SLC13A4: variants seen among roughly 807,000 people sequenced by gnomAD.
SLC13A4 encodes the protein Na(+)/sulfate cotransporter SUT-1.
Under a neutral mutation model 72.7 loss-of-function variants are expected in SLC13A4, and 28 were observed. The ratio of observed to expected loss-of-function variants is 0.39; its 90% CI spans 0.29 to 0.53. SLC13A4 has a LOEUF of 0.53. Ranked by LOEUF, SLC13A4 falls within the 20% of genes least tolerant of loss-of-function variation. SLC13A4 has a pLI of 0.78. For synonymous variants in SLC13A4, 312 were observed against 325.5 expected (o/e 0.96, Z 0.45); for missense variants, 653 against 788.0 (o/e 0.83, Z 2.05).
chr7:135,690,415 C>A (rs10266783), intron 13 of SLC13A4, among the ~76,000 whole-genome samples: 3 of 152,086 alleles, frequency 2.0e-5, no homozygotes, highest in Non-Finnish European at 4.4e-5. Context: ...GCATTTACAT[C>A]AGCTTTAGCC....
At chr7:135,697,053 A>T (rs1795919378) in intron 8 of SLC13A4, among the ~76,000 whole-genome samples, 2 of 152,154 alleles carry the variant, frequency 1.3e-5, no homozygotes, top group Non-Finnish European at 2.9e-5. Flanking sequence ...CCACTCCCGT[A>T]GCTTCCCTTA....
At chr7:135,719,275 A>C (rs1458380811) in intron 2 of SLC13A4, among the ~76,000 whole-genome samples, 1 of 152,206 alleles carries the variant, frequency 6.6e-6, no homozygotes, top group African/African-American at 2.4e-5. Flanking sequence ...CAACATCTCT[A>C]CTGTGCCCTT....
At chr7:135,699,584 G>C (rs1795984232) in intron 7 of SLC13A4, 36 bp from the exon 8 acceptor site, 2 of 1,552,018 alleles carry the variant, frequency 1.3e-6, no homozygotes, top group Non-Finnish European at 1.7e-6. Flanking sequence ...GTCCAACCCA[G>C]CTTGGGCTGT....
Position 135,727,587 on chromosome 7 carries a change from TC to T in SLC13A4, c.-92del. Reference sequence around the variant, plus strand: ...GCACTGCTCTCTATCCAGAAAGACTTCTTAAACCTTTCTTGGCTTCCGAGAG... The same window carrying T: ...GCACTGCTCTCTATCCAGAAAGACTTTTAAACCTTTCTTGGCTTCCGAGAG... On this transcript the variant is annotated 5_prime_UTR_variant, in exon 1 of 16. Transcript: ENST00000682651. 7.0e-7 allele frequency: 1 copy of T among 1,438,676 alleles called. No individual in the cohort carries two copies. Among genetic ancestry groups the T allele is most frequent in the Non-Finnish European group, 9.3e-7 (1 of 1,080,616 alleles). The allele number at this position is 1,438,676 out of a possible 1,614,324, so 89.1% of individuals were successfully genotyped here.
intron 2 of SLC13A4, 100 bp from the exon 3 acceptor site, chr7:135,708,350 A>C: frequency 1.2e-5 from 18 of 1,505,214 alleles, no homozygotes; most frequent in Non-Finnish European, 1.4e-5. Context: ...ACCTGTTCTC[A>C]ATCAAAGAGG....
At chr7:135,693,163 C>T (rs1239192497) in intron 10 of SLC13A4, 1 of 143,410 alleles carries the variant, frequency 7.0e-6, no homozygotes, top group Non-Finnish European at 1.5e-5. Context: ...GAAATGCATA[C>T]TGAGACATTA....
At chr7:135,706,877 T>C (rs1796176299) in intron 3 of SLC13A4, among the ~76,000 whole-genome samples, 1 of 152,198 alleles carries the variant, frequency 6.6e-6, no homozygotes, top group African/African-American at 2.4e-5. Flanking sequence ...CCAGCTGACA[T>C]CTTAAAGCGT....
rs552496288 is a variant in SLC13A4, at chr7:135,690,377, A to C, written c.1446+824T>G. Among the ~76,000 whole-genome samples the C allele has an allele frequency of 2.0e-5, 3 of 152,262 alleles. No homozygotes were observed. In the South Asian group the frequency reaches 6.2e-4, roughly 32 times the overall value. On this transcript the variant is annotated intron_variant, in intron 13 of 15. Transcript: ENST00000682651. ...CCACCCCACTTAAAAGATCTCATCC[A>C]AAATCCTCCCAGTCAGAAAATCAAG... is the stretch of plus-strand genomic sequence containing the variant.
chr7:135,683,406 C>G, intron 15 of SLC13A4: 2 of 984,732 alleles, frequency 2.0e-6, no homozygotes, highest in Non-Finnish European at 2.4e-6. Flanking sequence ...CAGGGCTGCC[C>G]GAGAACAAAT....
chr7:135,705,446 G>A (rs1168801204), intron 5 of SLC13A4, 150 bp downstream of exon 5: 9 of 643,944 alleles, frequency 1.4e-5, no homozygotes, highest in Non-Finnish European at 2.5e-5. Context: ...GGAAATGGGG[G>A]AGGTTGGGCG....
At chr7:135,698,623 C>T (rs1315945636) in intron 8 of SLC13A4, among the ~76,000 whole-genome samples, 3 of 143,862 alleles carry the variant, frequency 2.1e-5, no homozygotes, top group African/African-American at 8.0e-5. Flanking sequence ...GTGTGAGCCA[C>T]CGTGCTGGGA....
At chr7:135,702,488 G>T in intron 6 of SLC13A4, 1 of 221,790 alleles carries the variant, frequency 4.5e-6, no homozygotes, top group South Asian at 7.0e-5. Flanking sequence ...TGATTCTCCA[G>T]CCTCAGCCTC....
At chr7:135,691,906 T>A in intron 11 of SLC13A4, 1 of 464,560 alleles carries the variant, frequency 2.2e-6, no homozygotes, top group Non-Finnish European at 3.9e-6. Flanking sequence ...AAGTCCTAGA[T>A]GGAGTGATCA....
Position 135,708,098 on chromosome 7 carries a change from C to G in SLC13A4, c.365+16G>C, listed in dbSNP as rs1284306048. On this transcript the variant is annotated intron_variant, in intron 3 of 15. Transcript: ENST00000682651. Reference sequence around the variant, plus strand: ...AGAAGGATGCCCTATGTCCTGGCATCCCAAATAAGACTTACATGCCCGGCT... The same window carrying G: ...AGAAGGATGCCCTATGTCCTGGCATGCCAAATAAGACTTACATGCCCGGCT... The G allele has an allele frequency of 1.2e-6, 2 of 1,609,528 alleles. No homozygotes were observed. The highest frequency in any genetic ancestry group is 2.7e-5 in the African/African-American group (2 of 74,870).
At chr7:135,719,237 G>A (rs1796492607) in intron 2 of SLC13A4, among the ~76,000 whole-genome samples, 1 of 152,172 alleles carries the variant, frequency 6.6e-6, no homozygotes, top group African/African-American at 2.4e-5. Flanking sequence ...CTGGACAAAG[G>A]GGCGTCCCTC....
At chr7:135,690,159 T>C (rs1426406902) in intron 13 of SLC13A4, among the ~76,000 whole-genome samples, 1 of 116,888 alleles carries the variant, frequency 8.6e-6, no homozygotes, top group Non-Finnish European at 1.6e-5. Context: ...CCAGCCTAGG[T>C]GACAGAGTGA....
At chr7:135,709,289 A>C (rs1339348761) in intron 2 of SLC13A4, among the ~76,000 whole-genome samples, 1 of 151,866 alleles carries the variant, frequency 6.6e-6, no homozygotes, top group Non-Finnish European at 1.5e-5. Context: ...AATTCCAAAA[A>C]TGAAAATAGT....
chr7:135,712,009 C>T (rs1471030241), intron 2 of SLC13A4, among the ~76,000 whole-genome samples: 5 of 96,328 alleles, frequency 5.2e-5, no homozygotes, highest in Non-Finnish European at 5.8e-5. Context: ...TTAGTAGGTA[C>T]GAGCTTTAAC....
At position 135,681,700 on chromosome 7, in the gene SLC13A4, C is replaced by T; in HGVS notation, c.1747G>A (p.Val583Met). The change falls in exon 16 of 16, where the codon GTG becomes ATG. Residue 583 changes from valine (V) to methionine (M), a missense_variant and splice_region_variant. Transcript: ENST00000682651. ...ACGTTGACTCCCAGGCCAGCTTTCA[C>T]CTGCAGGACACAAACCAGCACACCC... ...SYGHCQIKDM[V>M]KAGLGVNVIG... 1 of 1,612,692 alleles carries T rather than the reference C, an allele frequency of 6.2e-7. No individual in the cohort carries two copies. The highest frequency in any genetic ancestry group is 8.5e-7 in the Non-Finnish European group (1 of 1,179,266).
Sources: allele counts gnomAD v4.1 joint callset (sites outside exome capture counted in the v4.1 genomes callset), GRCh38; gene constraint gnomAD v4.1.1; transcripts MANE v1.5; gene names NCBI Gene and HGNC (gene_info 2026-07-23, HGNC 2026-07-21).